Variants in TTC24 observed in about 807,000 individuals in gnomAD.
The protein encoded by TTC24 is tetratricopeptide repeat domain 24, also known as tetratricopeptide repeat protein 24.
TTC24 carries 54 observed loss-of-function variants against 63.3 expected under a neutral mutation model. That is an observed-to-expected ratio of 0.85 (90% CI 0.69 to 1.07). The LOEUF (loss-of-function observed/expected upper bound fraction) is 1.07. Among genes scored for constraint, TTC24 ranks in the 50% least tolerant of loss-of-function variants. The pLI is 0.00. For synonymous variants in TTC24, 276 were observed against 304.3 expected (o/e 0.91, Z 0.97); for missense variants, 680 against 730.5 (o/e 0.93, Z 0.80).
intron 3 of TTC24, among the ~76,000 whole-genome samples, chr1:156,582,771 C>T (rs1489476562): frequency 5.3e-5 from 8 of 152,310 alleles, no homozygotes; most frequent in African/African-American, 1.9e-4. Flanking sequence ...CTTCAGTTTC[C>T]ACATTTTTAA....
Position 156,584,937 on chromosome 1 carries a change from G to C in TTC24, c.1312G>C (p.Ala438Pro), listed in dbSNP as rs914144388. ...GGCCAGCCAGGCGGAGGGGACCCCA[G>C]CAAAGGCAGGAAGCAGCACAGCAGG... ...GGASQAEGTP[A>P]KAGSSTAGVQ... The change falls in exon 7 of 11, where the codon GCA (alanine) becomes CCA (proline). Residue 438 changes from alanine (A) to proline (P), a missense_variant. Transcript: ENST00000368236. The C allele has an allele frequency of 1.2e-5, 20 of 1,604,358 alleles. No individual in the cohort carries two copies. The highest frequency in any genetic ancestry group is 1.7e-5 in the Non-Finnish European group (20 of 1,175,684).
chr1:156,584,972 C>T lies in TTC24; in HGVS notation c.1347C>T (p.His449=). ...KAGSSTAGVQ[H]RSSSGWEDEE... The stretch of plus-strand genomic sequence containing the variant: ...GAAGCAGCACAGCAGGTGTCCAGCA[C>T]AGGTGAGGGTGGGAATGGTGCAGCA... Residue 449 remains histidine (H), a splice_region_variant and synonymous_variant, in exon 7 of 11, where the codon CAC becomes CAT. Coordinates refer to ENST00000368236, the MANE Select transcript of TTC24 (RefSeq NM_001105669.4). 1 of 1,591,832 alleles carries T rather than the reference C, an allele frequency of 6.3e-7. No individual in the cohort carries two copies. Among genetic ancestry groups the T allele is most frequent in the East Asian group, 2.2e-5 (1 of 44,524 alleles).
At chr1:156,584,781 A>C in intron 6 of TTC24, 96 bp from the exon 7 acceptor site, 1 of 753,492 alleles carries the variant, frequency 1.3e-6, no homozygotes. Context: ...CAGAGCCCGA[A>C]TTGTCTCTAT....
In TTC24 at chr1:156,581,953, C is replaced by G; in HGVS notation, c.589C>G (p.Leu197Val). The stretch of plus-strand genomic sequence containing the variant: ...ACAGCTGCGGGCCGCAGCCCTGGCA[C>G]TGGGGGCTGCGGCAGGATGTATGCT... ...ERQLRAAALA[L>V]GAAAGCMLKS... The change falls in exon 2 of 11, where the codon CTG becomes GTG. Residue 197 changes from leucine (L) to valine (V), a missense_variant. Coordinates refer to ENST00000368236, the MANE Select transcript of TTC24 (RefSeq NM_001105669.4). 6.5e-7 allele frequency: 1 copy of G among 1,537,436 alleles called. No individual in the cohort carries two copies. The highest frequency in any genetic ancestry group is 8.8e-7 in the Non-Finnish European group (1 of 1,142,308).
In TTC24 at chr1:156,584,887, C is replaced by T. The variant is rs955239959; in HGVS notation, c.1262C>T (p.Pro421Leu). 2.5e-6 allele frequency: 4 copies of T among 1,580,824 alleles called. No homozygotes were observed. Among genetic ancestry groups the T allele is most frequent in the South Asian group, 1.2e-5 (1 of 85,504 alleles). ...LVQTHTLTSA[P>L]GRLQAPGGAS... ...CCACTTCATTCCCAGACTTCGGCTCCGGGAAGACTCCAGGCTCCAGGTGGG... is the reference window on the plus strand; with the variant it reads ...CCACTTCATTCCCAGACTTCGGCTCTGGGAAGACTCCAGGCTCCAGGTGGG... The change falls in exon 7 of 11, where the codon CCG (proline) becomes CTG (leucine). Residue 421 changes from proline to leucine, a missense_variant. Coordinates refer to ENST00000368236, the MANE Select transcript of TTC24 (RefSeq NM_001105669.4).
In TTC24 at chr1:156,583,104, C is replaced by T. The variant is rs749542759; in HGVS notation, c.973C>T (p.Gln325Ter). ...SFGSLAFALS[Q>*]LGDHKAARDN... ...TGGCAGCCTGGCCTTTGCATTGAGC[C>T]AGCTGGGGGACCACAAGGCTGCCAG... is the stretch of plus-strand genomic sequence containing the variant. Residue 325 changes from glutamine to a stop codon, truncating the protein, a stop_gained, in exon 4 of 11, where the codon CAG becomes TAG. Transcript: ENST00000368236. LOFTEE classifies it high-confidence loss of function. This position sits in a 1 kb window ranked among gnomAD's most constrained non-coding sequence, Gnocchi z 4.0. 1.2e-6 allele frequency: 2 copies of T among 1,613,798 alleles called. No individual in the cohort carries two copies. Among genetic ancestry groups the T allele is most frequent in the South Asian group, 2.2e-5 (2 of 91,058 alleles).
Position 156,582,220 on chromosome 1 carries a change from A to C in TTC24, c.707-11A>C, listed in dbSNP as rs1477021669. ...GGTCTGGCTACCAGTGACCCTGGCTATTCCCTCTAGGGCACCTCTATAACG... is the reference window on the plus strand; with the variant it reads ...GGTCTGGCTACCAGTGACCCTGGCTCTTCCCTCTAGGGCACCTCTATAACG... On this transcript the variant is annotated splice_polypyrimidine_tract_variant and intron_variant, in intron 2 of 10. Coordinates refer to ENST00000368236, the MANE Select transcript of TTC24 (RefSeq NM_001105669.4). 4 of 1,544,840 alleles carry C rather than the reference A, an allele frequency of 2.6e-6. No individual in the cohort carries two copies. The African/African-American group carries it at 4.1e-5, about 16-fold the overall frequency.
intron 6 of TTC24, chr1:156,584,501 C>T (rs1677098930): frequency 5.0e-6 from 1 of 198,092 alleles, no homozygotes; most frequent in African/African-American, 2.3e-5. Context: ...TATTTAAAGA[C>T]ACCATATTTT....
Position 156,586,650 on chromosome 1 carries a change from C to T in TTC24, c.*100C>T, listed in dbSNP as rs1677184314. The T allele has an allele frequency of 9.2e-7, 1 of 1,091,786 alleles. No individual in the cohort carries two copies. Among genetic ancestry groups the T allele is most frequent in the African/African-American group, 1.5e-5 (1 of 65,366 alleles). The allele number at this position is 1,091,786 out of a possible 1,614,324, so 67.6% of individuals were successfully genotyped here. On this transcript the variant is annotated 3_prime_UTR_variant, in exon 11 of 11. Transcript: ENST00000368236. ...CAAGCCTCTTCCCAGTTGCTCAGCC[C>T]TGCAGGGATGTGGAACACAGTGCAG...
In TTC24 at chr1:156,586,630, C is replaced by A; in HGVS notation, c.*80C>A. ...CACTAGGGGGTCCTGGGGACCAAGC[C>A]TCTTCCCAGTTGCTCAGCCCTGCAG... On this transcript the variant is annotated 3_prime_UTR_variant, in exon 11 of 11. Coordinates refer to ENST00000368236, the MANE Select transcript of TTC24 (RefSeq NM_001105669.4). 7.7e-7 allele frequency: 1 copy of A among 1,305,078 alleles called. No individual in the cohort carries two copies. The allele number at this position is 1,305,078 out of a possible 1,614,324, so 80.8% of individuals were successfully genotyped here.
chr1:156,586,098 T>C, intron 10 of TTC24, 53 bp downstream of exon 10: 1 of 1,256,478 alleles, frequency 8.0e-7, no homozygotes, highest in Non-Finnish European at 1.1e-6. Flanking sequence ...AAAAGTAGAA[T>C]GTGTGGCTTG....
At position 156,583,459 on chromosome 1, in the gene TTC24, C is replaced by T. The variant is rs1267981295; in HGVS notation, c.1152+9C>T. On this transcript the variant is annotated intron_variant, in intron 5 of 10. Coordinates refer to ENST00000368236, the MANE Select transcript of TTC24 (RefSeq NM_001105669.4). This position sits in a 1 kb window ranked among gnomAD's most constrained non-coding sequence, Gnocchi z 4.0. ...CACTGGCCCAGTGTCAGGTGAGACC[C>T]CGCACACCGGAATCCACCTCTCCCC... 2 of 1,578,324 alleles carry T rather than the reference C, an allele frequency of 1.3e-6. No homozygotes were observed. Among genetic ancestry groups the T allele is most frequent in the African/African-American group, 1.4e-5 (1 of 73,232 alleles).
In TTC24 at chr1:156,581,750, C is replaced by T. The variant is rs765026463; in HGVS notation, c.386C>T (p.Ala129Val). Reference sequence around the variant, plus strand: ...TTCAATGTGGCTTTGGCCTACCATGCCCTCGGCGAGCTGCCTCAAGCTTTG... The same window carrying T: ...TTCAATGTGGCTTTGGCCTACCATGTCCTCGGCGAGCTGCCTCAAGCTTTG... Reference protein sequence around the residue: ...QCFNVALAYHALGELPQALAW... With the variant: ...QCFNVALAYHVLGELPQALAW... The change falls in exon 2 of 11, where the codon GCC becomes GTC. Residue 129 changes from alanine to valine, a missense_variant. Ala to Val is a moderately conservative substitution (Grantham distance 64). Transcript: ENST00000368236. 11 of 1,551,610 alleles carry T rather than the reference C, an allele frequency of 7.1e-6. No individual in the cohort carries two copies. The highest frequency in any genetic ancestry group is 3.3e-4 in the Middle Eastern group (2 of 6,014).
Position 156,587,500 on chromosome 1 carries a change from G to A in TTC24, c.*950G>A, listed in dbSNP as rs953304817. ...AATATCAAGTGTGTCTATGCCCGTT[G>A]TATGTGTTATTGTAATTCATAATGT... On this transcript the variant is annotated 3_prime_UTR_variant, in exon 11 of 11. Transcript: ENST00000368236. Among the ~76,000 whole-genome samples the A allele has an allele frequency of 6.6e-6, 1 of 152,146 alleles. No homozygotes were observed. The highest frequency in any genetic ancestry group is 1.5e-5 in the Non-Finnish European group (1 of 68,038).
At position 156,585,770 on chromosome 1, in the gene TTC24, C is replaced by T. The variant is rs750349500; in HGVS notation, c.1514C>T (p.Thr505Met). 8 of 1,613,864 alleles carry T rather than the reference C, an allele frequency of 5.0e-6. No homozygotes were observed. The highest frequency in any genetic ancestry group is 1.7e-5 in the Admixed American group (1 of 60,002). ...CACCATCTAGCTTCTAGTTGCCCCA[C>T]GTTTACCAAGCACACGCCCTGCAGA... Reference protein sequence around the residue: ...HSHHLASSCPTFTKHTPCRGT... With the variant: ...HSHHLASSCPMFTKHTPCRGT... The change falls in exon 9 of 11, where the codon ACG becomes ATG. Residue 505 changes from threonine to methionine, a missense_variant. Physicochemically the swap from Thr to Met is moderately conservative, Grantham distance 81. Transcript: ENST00000368236.
At chr1:156,580,581 A>C (rs879905546) in intron 1 of TTC24, among the ~76,000 whole-genome samples, 44 of 151,906 alleles carry the variant, frequency 2.9e-4, no homozygotes, top group Non-Finnish European at 5.6e-4. Context: ...GGGTTCAAGC[A>C]ATTCTCCTGC....
chr1:156,586,520 C>T lies in TTC24; in HGVS notation c.1719C>T (p.Pro573=), dbSNP rs773842926. 2.5e-6 allele frequency: 4 copies of T among 1,613,556 alleles called. No individual in the cohort carries two copies. The South Asian group carries it at 3.3e-5, about 13-fold the overall frequency. ...ESLSRSRQRR[P]MESGICTIV ...TCAGCAGGAGCCGCCAGAGGAGACC[C>T]ATGGAGTCGGGCATCTGCACTATTG... The change falls in exon 11 of 11, where the codon CCC becomes CCT. Residue 573 remains proline, a synonymous_variant. Coordinates refer to ENST00000368236, the MANE Select transcript of TTC24 (RefSeq NM_001105669.4).
rs1320480857 is a variant in TTC24 at position 156,581,528 on chromosome 1, C to A, written c.164C>A (p.Ala55Asp). 1 of 1,551,344 alleles carries A rather than the reference C, an allele frequency of 6.4e-7. No homozygotes were observed. The highest frequency in any genetic ancestry group is 8.7e-7 in the Non-Finnish European group (1 of 1,146,734). Residue 55 changes from alanine (A) to aspartate (D), a missense_variant, in exon 2 of 11, where the codon GCC (alanine) becomes GAC (aspartate). By Grantham distance (126) the Ala-to-Asp change is moderately radical. Coordinates refer to ENST00000368236, the MANE Select transcript of TTC24 (RefSeq NM_001105669.4). ...GALQAGQNHE[A>D]LNNFQRAFLL... is the part of the protein sequence containing the mutation. ...CTTCAGGCTGGCCAGAACCATGAAG[C>A]CTTGAACAACTTCCAGAGGGCCTTC...
intron 6 of TTC24, chr1:156,584,420 C>G (rs1677097398): frequency 6.3e-6 from 1 of 159,696 alleles, no homozygotes; most frequent in Non-Finnish European, 1.4e-5. Flanking sequence ...CTTCCCGCTC[C>G]AGGAATTGAA....
Sources: allele counts gnomAD v4.1 joint callset (sites outside exome capture counted in the v4.1 genomes callset), GRCh38; gene constraint gnomAD v4.1.1; non-coding constraint Gnocchi (gnomAD v3.1); transcripts MANE v1.5; gene names NCBI Gene and HGNC (gene_info 2026-07-23, HGNC 2026-07-21).